The following NSUN6 variants were observed in gnomAD, a reference collection of about 807,000 sequenced individuals.
NSUN6 encodes tRNA (cytosine(72)-C(5))-methyltransferase NSUN6.
NSUN6 carries 64 observed loss-of-function variants against 58.0 expected under a neutral mutation model. The observed-to-expected ratio is 1.10, with a 90% CI of 0.90 to 1.36. The LOEUF (loss-of-function observed/expected upper bound fraction) is 1.36, where lower values mean the gene tolerates loss of function less well. Ranked by LOEUF, NSUN6 falls within the 40% of genes most tolerant of loss-of-function variation. The pLI is 0.00. For synonymous variants in NSUN6, 231 were observed against 193.9 expected (o/e 1.19, Z -1.59); for missense variants, 701 against 550.1 (o/e 1.27, Z -2.74).
At chr10:18,560,550 T>G (rs1212053487) in intron 8 of NSUN6, among the ~76,000 whole-genome samples, 1 of 149,746 alleles carries the variant, frequency 6.7e-6, no homozygotes, top group Non-Finnish European at 1.5e-5. Context: ...CGGAATGGAA[T>G]GCAGTGGTGA....
chr10:18,602,248 T>G (rs1461051399), intron 6 of NSUN6, among the ~76,000 whole-genome samples: 6 of 150,098 alleles, frequency 4.0e-5, no homozygotes, highest in Non-Finnish European at 5.9e-5. Context: ...GGGTTTTTTT[T>G]TTTGTTTTTT....
chr10:18,652,502 A>G (rs957326529), upstream of NSUN6: 26 of 984,902 alleles, frequency 2.6e-5, 1 homozygote, highest in Middle Eastern at 5.2e-4. Flanking sequence ...TACCAGAAAG[A>G]GTAGAAAATA....
chr10:18,556,586 T>A (rs1589837083), intron 8 of NSUN6, among the ~76,000 whole-genome samples: 1 of 147,436 alleles, frequency 6.8e-6, no homozygotes, highest in African/African-American at 2.5e-5. Context: ...GAGGATGGTG[T>A]GGAGAATGGA....
chr10:18,596,135 C>T, intron 7 of NSUN6, 73 bp downstream of exon 7: 1 of 1,297,942 alleles, frequency 7.7e-7, no homozygotes, highest in Non-Finnish European at 1.1e-6. Flanking sequence ...GTGAATGGCT[C>T]TATGTTTCAG....
chr10:18,546,171 G>A (rs1321012839), intron 10 of NSUN6, 26 bp from the exon 11 acceptor site: 2 of 1,458,994 alleles, frequency 1.4e-6, no homozygotes, highest in South Asian at 1.1e-5. Flanking sequence ...GGATCAATAT[G>A]GATGAACATC....
chr10:18,653,677 A>G (rs1205372610), upstream of NSUN6, among the ~76,000 whole-genome samples: 1 of 152,174 alleles, frequency 6.6e-6, no homozygotes, highest in African/African-American at 2.4e-5. Context: ...CCAGCCATTT[A>G]GACTATTCTT....
chr10:18,617,666 C>G (rs2058461115), intron 3 of NSUN6, among the ~76,000 whole-genome samples: 1 of 152,146 alleles, frequency 6.6e-6, no homozygotes, highest in Non-Finnish European at 1.5e-5. Flanking sequence ...ACGTCATTAT[C>G]TGCCCAGATA....
At chr10:18,585,174 C>T (rs7075678) in intron 8 of NSUN6, among the ~76,000 whole-genome samples, 121,223 of 152,074 alleles carry the variant, frequency 0.8, 48,434 homozygotes, top group East Asian at 0.98. Flanking sequence ...TAATATATGC[C>T]GGCAAGGATG....
At chr10:18,653,316 GC>G, upstream of NSUN6, 4 of 982,118 alleles carry the variant, frequency 4.1e-6, 1 homozygote, top group South Asian at 1.9e-4. Context: ...TGCTGATAAA[GC>G]ATTTGCCAGA....
At chr10:18,585,524 A>G (rs528408971) in intron 8 of NSUN6, among the ~76,000 whole-genome samples, 2 of 152,388 alleles carry the variant, frequency 1.3e-5, no homozygotes, top group South Asian at 2.1e-4. Context: ...CCTGGAAGAC[A>G]TCATATTATG....
rs1410075093 is a variant in NSUN6 at position 18,548,111 on chromosome 10, C to T, written c.1197+1G>A. 1 of 1,613,594 alleles carries T rather than the reference C, an allele frequency of 6.2e-7. No individual in the cohort carries two copies. The highest frequency in any genetic ancestry group is 8.5e-7 in the Non-Finnish European group (1 of 1,179,750). ...ACAGAGAAAAATGAAATTACTCCTA[C>T]CTGGGGCTGAAGCTGAAGGCAAGGA... On this transcript the variant is annotated splice_donor_variant, in intron 10 of 10. Coordinates refer to ENST00000377304, the MANE Select transcript of NSUN6 (RefSeq NM_182543.5). LOFTEE classifies it high-confidence loss of function.
chr10:18,579,511 G>A (rs10466095), intron 8 of NSUN6, among the ~76,000 whole-genome samples: 3,906 of 152,194 alleles, frequency 0.026, 162 homozygotes, highest in African/African-American at 0.088. Context: ...ATAATATATA[G>A]TCCTGTGTGA....
intron 3 of NSUN6, among the ~76,000 whole-genome samples, chr10:18,635,035 G>A (rs2059166752): frequency 6.6e-6 from 1 of 152,108 alleles, no homozygotes; most frequent in Non-Finnish European, 1.5e-5. Flanking sequence ...GTACAAACAT[G>A]TTTATTCGGA....
At chr10:18,659,055 G>A (rs2059809490), upstream of NSUN6, 1 of 152,514 alleles carries the variant, frequency 6.6e-6, no homozygotes, top group Non-Finnish European at 1.5e-5. Context: ...AGAACCTATG[G>A]TCTTTCCTGG....
chr10:18,581,496 T>A (rs554253035), intron 8 of NSUN6, among the ~76,000 whole-genome samples: 25 of 152,124 alleles, frequency 1.6e-4, no homozygotes, highest in African/African-American at 5.5e-4. Flanking sequence ...GAATACTCTA[T>A]CCCTTGTTTA....
At chr10:18,600,993 T>TGTATATATATA (rs1554870074) in intron 6 of NSUN6, among the ~76,000 whole-genome samples, 1 of 126,418 alleles carries the variant, frequency 7.9e-6, no homozygotes, top group African/African-American at 2.9e-5. Flanking sequence ...TATATATATA[T>TGTATATATATA]TATATACTAG....
chr10:18,626,713 G>C (rs1049476507), intron 3 of NSUN6, among the ~76,000 whole-genome samples: 5 of 152,218 alleles, frequency 3.3e-5, no homozygotes, highest in Admixed American at 2.6e-4. Flanking sequence ...GTTGCAGTGA[G>C]CCGAGATCGT....
chr10:18,582,521 C>A (rs12355452), intron 8 of NSUN6, among the ~76,000 whole-genome samples: 2 of 152,086 alleles, frequency 1.3e-5, no homozygotes, highest in African/African-American at 2.4e-5. Context: ...TATGAGACAG[C>A]GAGAAGAGCC....
At chr10:18,550,572 T>G (rs1042824754) in intron 9 of NSUN6, among the ~76,000 whole-genome samples, 3 of 152,138 alleles carry the variant, frequency 2.0e-5, no homozygotes, top group Non-Finnish European at 4.4e-5. Flanking sequence ...TCCTCAAATG[T>G]TCTATCTGGG....
Sources: allele counts gnomAD v4.1 joint callset (sites outside exome capture counted in the v4.1 genomes callset), GRCh38; gene constraint gnomAD v4.1.1; transcripts MANE v1.5; gene names NCBI Gene and HGNC (gene_info 2026-07-23, HGNC 2026-07-21).